TCERG1L: variants seen among roughly 807,000 people sequenced by gnomAD.
The protein encoded by TCERG1L is transcription elongation regulator 1 like.
TCERG1L carries 37 observed loss-of-function variants against 56.3 expected under a neutral mutation model. That is an observed-to-expected ratio of 0.66 (90% CI 0.51 to 0.87). The LOEUF (loss-of-function observed/expected upper bound fraction) is 0.87. Among genes scored for constraint, TCERG1L ranks in the 40% least tolerant of loss-of-function variants. The pLI, the probability that TCERG1L is intolerant of heterozygous loss-of-function variation, is 0.00. For missense variants in TCERG1L, 799 were observed against 774.2 expected, an observed-to-expected ratio of 1.03 and a Z score of -0.38; for synonymous variants, 324 against 326.3, an observed-to-expected ratio of 0.99 and a Z score of 0.08.
chr10:131,288,217 C>T (rs548032038), intron 3 of TCERG1L, among the ~76,000 whole-genome samples: 1 of 152,136 alleles, frequency 6.6e-6, no homozygotes, highest in Admixed American at 6.5e-5. Flanking sequence ...TGTTTCTCCC[C>T]CCAACTCTCT....
chr10:131,105,082 C>A (rs1235676168), intron 9 of TCERG1L, among the ~76,000 whole-genome samples: 1 of 152,224 alleles, frequency 6.6e-6, no homozygotes, highest in Non-Finnish European at 1.5e-5. Context: ...ATGGCCCTTG[C>A]CGTTGATGAC....
At chr10:131,137,165 CAAAA>C (rs1845684929) in intron 7 of TCERG1L, among the ~76,000 whole-genome samples, 1 of 151,758 alleles carries the variant, frequency 6.6e-6, no homozygotes, top group Non-Finnish European at 1.5e-5. Flanking sequence ...AACAAACAAA[CAAAA>C]AACCGAGGGC....
intron 3 of TCERG1L, among the ~76,000 whole-genome samples, chr10:131,281,850 C>T (rs1233304448): frequency 7.0e-6 from 1 of 143,582 alleles, no homozygotes; most frequent in African/African-American, 2.6e-5. Context: ...AATGAAAACC[C>T]TTCTGGCCGG....
chr10:131,295,312 G>A (rs779615373), intron 3 of TCERG1L, among the ~76,000 whole-genome samples: 5 of 152,158 alleles, frequency 3.3e-5, no homozygotes, highest in Admixed American at 1.3e-4. Context: ...GGAAAAATAC[G>A]TAAGAGTGAG....
chr10:131,093,208 TTAAGAA>T lies in TCERG1L; in HGVS notation c.1709_1714del (p.Ile570_Leu571del), dbSNP rs768578330. ...TAGTCTGTTTTCCTTGTCCCGTTTC[TTAAGAA>T]TAAGTATGAATTGGTTGAAAAAATG... On this transcript the variant is annotated inframe_deletion, in exon 12 of 12. Transcript: ENST00000368642. 4 of 1,613,976 alleles carry T rather than the reference TTAAGAA, an allele frequency of 2.5e-6. No individual in the cohort carries two copies. The highest frequency in any genetic ancestry group is 3.4e-6 in the Non-Finnish European group (4 of 1,179,874).
At chr10:131,187,940 G>A (rs898812814) in intron 4 of TCERG1L, among the ~76,000 whole-genome samples, 2 of 152,210 alleles carry the variant, frequency 1.3e-5, no homozygotes, top group East Asian at 3.9e-4. Flanking sequence ...CTGAGCCTGT[G>A]CCTGATGGAA....
intron 3 of TCERG1L, among the ~76,000 whole-genome samples, chr10:131,270,183 G>A (rs960783894): frequency 3.3e-5 from 5 of 152,158 alleles, no homozygotes; most frequent in South Asian, 4.1e-4. Context: ...ATGATATAAC[G>A]TGGGCACCCA....
At chr10:131,117,070 G>A (rs1845467351) in intron 8 of TCERG1L, 136 bp from the exon 9 acceptor site, 3 of 1,220,104 alleles carry the variant, frequency 2.5e-6, no homozygotes, top group Admixed American at 2.6e-5. Flanking sequence ...AAAGCCTGAG[G>A]CGGTCTCCCT....
rs561503213 is a variant in TCERG1L at position 131,227,662 on chromosome 10, G to T, written c.856+32597C>A. On this transcript the variant is annotated intron_variant, in intron 4 of 11. Coordinates refer to ENST00000368642, the MANE Select transcript of TCERG1L (RefSeq NM_174937.4). Reference sequence around the variant, plus strand: ...CAGCCTCACCTCCAGGTGAGCCGAGGGTTTTCCATCAGGCGAGCCAGCTGC... The same window carrying T: ...CAGCCTCACCTCCAGGTGAGCCGAGTGTTTTCCATCAGGCGAGCCAGCTGC... Among the ~76,000 whole-genome samples the T allele has an allele frequency of 4.9e-4, 75 of 152,258 alleles. 1 individual carries two copies. The highest frequency in any genetic ancestry group is 1.7e-3 in the African/African-American group (69 of 41,572).
rs1413306845 is a variant in TCERG1L at position 131,118,739 on chromosome 10, C to T, written c.1260-1805G>A. ...TTCCATGCCAAATTTGGAATTGAGC[C>T]TGGTCTCTTTTCCTCCTTTGCAACA... On this transcript the variant is annotated intron_variant, in intron 8 of 11. Transcript: ENST00000368642. The surrounding 1 kb of genome is among the most constrained non-coding windows in gnomAD (Gnocchi z 4.2). Among the ~76,000 whole-genome samples the T allele has an allele frequency of 6.6e-6, 1 of 152,178 alleles. No homozygotes were observed. The highest frequency in any genetic ancestry group is 1.5e-5 in the Non-Finnish European group (1 of 68,042).
Position 131,308,297 on chromosome 10 carries a change from G to T in TCERG1L, c.584C>A (p.Ala195Glu). ...GGACAGAGACACAGCTACTTGATTT[G>T]CCAGCAAACGAGGCTTTTCATGCCC... ...FHGHEKPRLL[A>E]NQVAVSLSRP... The change falls in exon 3 of 12, where the codon GCA becomes GAA. Residue 195 changes from alanine to glutamate, a missense_variant. Transcript: ENST00000368642. The T allele has an allele frequency of 6.2e-7, 1 of 1,613,968 alleles. No homozygotes were observed. The highest frequency in any genetic ancestry group is 1.3e-5 in the African/African-American group (1 of 75,032).
chr10:131,234,682 TGTC>T (rs200386680), intron 4 of TCERG1L, among the ~76,000 whole-genome samples: 9,065 of 152,146 alleles, frequency 0.06, 349 homozygotes, highest in Middle Eastern at 0.15. Flanking sequence ...ATAATTTTGT[TGTC>T]GTTGTTTGTT....
intron 4 of TCERG1L, among the ~76,000 whole-genome samples, chr10:131,256,980 GGAAGGAAGGAAGGAAAGAAAGAAA>G (rs1285318823): frequency 6.7e-4 from 51 of 75,688 alleles, no homozygotes; most frequent in African/African-American, 1.6e-3. Flanking sequence ...AAGGAAGGAA[GGAAGGAAGGAAGGAAAGAAAGAAA>G]GAAAGAAAGA....
intron 6 of TCERG1L, among the ~76,000 whole-genome samples, chr10:131,150,742 C>T (rs555723262): frequency 2.6e-4 from 40 of 152,286 alleles, no homozygotes; most frequent in African/African-American, 8.7e-4. Flanking sequence ...TGTCATCCTG[C>T]GCTAGGCTGA....
intron 3 of TCERG1L, among the ~76,000 whole-genome samples, chr10:131,274,291 G>T (rs1846370880): frequency 6.6e-6 from 1 of 152,200 alleles, no homozygotes; most frequent in Admixed American, 6.5e-5. Flanking sequence ...GGCGGATGGT[G>T]CCTGCACAGC....
chr10:131,186,106 C>T (rs1288777616), intron 4 of TCERG1L, among the ~76,000 whole-genome samples: 2 of 152,126 alleles, frequency 1.3e-5, no homozygotes, highest in Non-Finnish European at 2.9e-5. Context: ...AAGCCAGACA[C>T]AAAAGGTCAC....
chr10:131,237,089 C>T (rs1179860128), intron 4 of TCERG1L, among the ~76,000 whole-genome samples: 3 of 152,018 alleles, frequency 2.0e-5, no homozygotes, highest in Non-Finnish European at 2.9e-5. Flanking sequence ...CCTGCCGCTG[C>T]CCCTCCCCTC....
In TCERG1L at chr10:131,093,840, A is replaced by G. The variant is rs191330525; in HGVS notation, c.1605-522T>C. On this transcript the variant is annotated intron_variant, in intron 11 of 11. Transcript: ENST00000368642. ...GCTCAGAGAACTGTGACTCCATCAC[A>G]GCCCTCTTCACAGTGGTGATCTTGT... Among the ~76,000 whole-genome samples the G allele has an allele frequency of 1.2e-3, 185 of 152,298 alleles. 1 individual carries two copies. The highest frequency in any genetic ancestry group is 0.011 in the Admixed American group (165 of 15,296).
intron 6 of TCERG1L, among the ~76,000 whole-genome samples, chr10:131,147,355 G>A (rs1197295323): frequency 1.3e-5 from 2 of 152,172 alleles, no homozygotes; most frequent in Non-Finnish European, 2.9e-5. Flanking sequence ...GAGAGGGAAG[G>A]AAAGGAAAAA....
Sources: gnomAD v4.1 joint callset for allele counts (sites outside exome capture counted in the v4.1 genomes callset) on GRCh38, gnomAD v4.1.1 for gene constraint, Gnocchi (gnomAD v3.1) non-coding constraint, MANE v1.5 for transcripts, NCBI Gene and HGNC (gene_info 2026-07-23, HGNC 2026-07-21) for gene names.